The following SYNGR4 variants were observed in gnomAD, a reference collection of about 807,000 sequenced individuals.
SYNGR4 encodes the protein synaptogyrin 4.
A neutral mutation model predicts 15.5 loss-of-function variants in SYNGR4; 15 were observed. The observed-to-expected ratio is 0.97, with a 90% CI of 0.65 to 1.49. The LOEUF is 1.49. Ranked by LOEUF, SYNGR4 falls within the 40% of genes most tolerant of loss-of-function variation. SYNGR4 has a pLI of 0.00. For missense variants in SYNGR4, 292 were observed against 299.3 expected, an observed-to-expected ratio of 0.98 and a Z score of 0.18; for synonymous variants, 121 against 127.4, an observed-to-expected ratio of 0.95 and a Z score of 0.34.
rs2147412747 is a variant in SYNGR4, at chr19:48,375,716, A to G, written c.435A>G (p.Ala145=). ...TCCTGGGGAGCAGCAGTGCCCAGGC[A>G]GCCATCGCCTTCACCTTCTTCTCCA... ...EFLLGSSSAQ[A]AIAFTFFSIL... The change falls in exon 4 of 5, where the codon GCA becomes GCG. Residue 145 remains alanine (A), a synonymous_variant. Transcript: ENST00000344846. 6.2e-7 allele frequency: 1 copy of G among 1,613,978 alleles called. No individual in the cohort carries two copies.
chr19:48,365,801 C>T lies in SYNGR4; in HGVS notation c.-42C>T, dbSNP rs747324452. The T allele has an allele frequency of 1.9e-6, 3 of 1,609,236 alleles. No homozygotes were observed. In the East Asian group the frequency reaches 6.7e-5, roughly 36 times the overall value. ...TGCCCAGCAGGCAGCGCCCAGCACC[C>T]TGGCTCCCACCTCCCAGTGGCCCCA... On this transcript the variant is annotated 5_prime_UTR_variant, in exon 2 of 5. Transcript: ENST00000344846.
At chr19:48,372,028 C>T (rs1002781124) in intron 2 of SYNGR4, among the ~76,000 whole-genome samples, 1 of 151,694 alleles carries the variant, frequency 6.6e-6, no homozygotes, top group Non-Finnish European at 1.5e-5. Context: ...TACAAGTATG[C>T]ACCACCACAC....
At chr19:48,366,741 G>T (rs1254193996) in intron 2 of SYNGR4, among the ~76,000 whole-genome samples, 1 of 152,128 alleles carries the variant, frequency 6.6e-6, no homozygotes, top group African/African-American at 2.4e-5. Context: ...GTCCAGTGGG[G>T]TAGCCACAGC....
At chr19:48,375,978 C>G (rs1970395695) in intron 4 of SYNGR4, 107 bp from the exon 5 acceptor site, 1 of 1,570,766 alleles carries the variant, frequency 6.4e-7, no homozygotes, top group African/African-American at 1.4e-5. Flanking sequence ...GTGAGCAGTC[C>G]AAACACCGGT....
upstream of SYNGR4, chr19:48,364,289 G>T (rs1031648736): frequency 7.5e-5 from 24 of 320,798 alleles, no homozygotes; most frequent in Non-Finnish European, 1.3e-4. Flanking sequence ...CGGAAAGAGG[G>T]AGGGGGCGGG....
At chr19:48,367,129 CAAAA>C (rs757577850) in intron 2 of SYNGR4, among the ~76,000 whole-genome samples, 6 of 87,112 alleles carry the variant, frequency 6.9e-5, no homozygotes, top group African/African-American at 2.2e-4. Context: ...GACTCTGTCT[CAAAA>C]AAAAAAAAAA....
chr19:48,375,395 G>A (rs1355187651), intron 3 of SYNGR4, among the ~76,000 whole-genome samples: 2 of 152,154 alleles, frequency 1.3e-5, no homozygotes, highest in South Asian at 2.1e-4. Flanking sequence ...ATTAGACAGC[G>A]CAACTCTACT....
At chr19:48,374,358 C>A (rs1396322652) in intron 3 of SYNGR4, among the ~76,000 whole-genome samples, 1 of 152,170 alleles carries the variant, frequency 6.6e-6, no homozygotes. Context: ...GGATTACAGG[C>A]GTGAGCCACC....
At chr19:48,366,969 C>T (rs1385767443) in intron 2 of SYNGR4, among the ~76,000 whole-genome samples, 2 of 151,894 alleles carry the variant, frequency 1.3e-5, no homozygotes, top group Non-Finnish European at 2.9e-5. Context: ...GCCTGGCCAA[C>T]ATGGCGAAAA....
Position 48,365,794 on chromosome 19 carries a change from C to A in SYNGR4, c.-49C>A. Reference sequence around the variant, plus strand: ...ACGGCAGTGCCCAGCAGGCAGCGCCCAGCACCCTGGCTCCCACCTCCCAGT... The same window carrying A: ...ACGGCAGTGCCCAGCAGGCAGCGCCAAGCACCCTGGCTCCCACCTCCCAGT... On this transcript the variant is annotated 5_prime_UTR_variant, in exon 2 of 5. Transcript: ENST00000344846. The A allele has an allele frequency of 1.2e-6, 2 of 1,605,158 alleles. No homozygotes were observed. The highest frequency in any genetic ancestry group is 2.2e-5 in the South Asian group (2 of 90,910).
chr19:48,365,586 T>C, intron 1 of SYNGR4, 150 bp from the exon 2 acceptor site: 1 of 474,304 alleles, frequency 2.1e-6, no homozygotes, highest in African/African-American at 2.2e-5. Flanking sequence ...ACACCCTGAC[T>C]CCTAAGAGGC....
Position 48,375,706 on chromosome 19 carries a change from G to A in SYNGR4, c.425G>A (p.Ser142Asn), listed in dbSNP as rs552155974. The A allele has an allele frequency of 1.6e-5, 26 of 1,614,048 alleles. No homozygotes were observed. The highest frequency in any genetic ancestry group is 1.3e-4 in the South Asian group (12 of 91,076). ...AAAGAGTTCCTCCTGGGGAGCAGCA[G>A]TGCCCAGGCAGCCATCGCCTTCACC... is the stretch of plus-strand genomic sequence containing the variant. ...PPKEFLLGSS[S>N]AQAAIAFTFF... Residue 142 changes from serine to asparagine, a missense_variant, in exon 4 of 5, where the codon AGT (serine) becomes AAT (asparagine). By Grantham distance (46) the Ser-to-Asn change is conservative (BLOSUM62 1). Coordinates refer to ENST00000344846, the MANE Select transcript of SYNGR4 (RefSeq NM_012451.4).
At chr19:48,367,618 G>T (rs572917871) in intron 2 of SYNGR4, among the ~76,000 whole-genome samples, 78 of 152,184 alleles carry the variant, frequency 5.1e-4, no homozygotes, top group African/African-American at 1.8e-3. Context: ...GAGGAACAGG[G>T]GCTGGGGCTT....
At chr19:48,367,880 G>A (rs952246521) in intron 2 of SYNGR4, among the ~76,000 whole-genome samples, 1 of 152,158 alleles carries the variant, frequency 6.6e-6, no homozygotes, top group Non-Finnish European at 1.5e-5. Context: ...CCACCACTCC[G>A]CTTTAACAGA....
At chr19:48,365,568 T>C (rs1970197094) in intron 1 of SYNGR4, among the ~76,000 whole-genome samples, 168 bp from the exon 2 acceptor site, 1 of 139,488 alleles carries the variant, frequency 7.2e-6, no homozygotes, top group Non-Finnish European at 1.5e-5. Flanking sequence ...TGACAGCCCA[T>C]TCACCCCACA....
intron 2 of SYNGR4, chr19:48,373,314 G>A (rs766506841): frequency 1.4e-5 from 8 of 592,348 alleles, no homozygotes; most frequent in Non-Finnish European, 2.4e-5. Context: ...GGGCCAAGGA[G>A]AGCAGACGAG....
intron 3 of SYNGR4, among the ~76,000 whole-genome samples, chr19:48,374,952 G>A (rs1025224371): frequency 2.1e-5 from 3 of 145,322 alleles, no homozygotes; most frequent in South Asian, 2.4e-4. Context: ...CCCCAGCCTC[G>A]GCAACAGAGC....
intron 1 of SYNGR4, 124 bp from the exon 2 acceptor site, chr19:48,365,612 C>T (rs1970198381): frequency 5.5e-6 from 3 of 542,062 alleles, no homozygotes; most frequent in South Asian, 4.1e-5. Flanking sequence ...AGTCCCCTCA[C>T]CCCACACAAC....
chr19:48,367,105 C>T (rs948345184), intron 2 of SYNGR4, among the ~76,000 whole-genome samples: 5 of 144,992 alleles, frequency 3.4e-5, no homozygotes, highest in South Asian at 4.4e-4. Flanking sequence ...ACTGCAGCCT[C>T]GGTGACAGAG....
Sources: gnomAD v4.1 joint callset for allele counts (sites outside exome capture counted in the v4.1 genomes callset) on GRCh38, gnomAD v4.1.1 for gene constraint, MANE v1.5 for transcripts, NCBI Gene and HGNC (gene_info 2026-07-23, HGNC 2026-07-21) for gene names.